Variants in EBF2 observed in about 807,000 individuals in gnomAD.
EBF2 encodes the protein transcription factor COE2.
Under a neutral mutation model 72.8 loss-of-function variants are expected in EBF2, and 21 were observed. The observed-to-expected ratio is 0.29, with a 90% CI of 0.20 to 0.42. The LOEUF is 0.42. Ranked by LOEUF, EBF2 falls within the 10% of genes least tolerant of loss-of-function variation. The pLI is 1.00. For missense variants in EBF2, 637 were observed against 731.2 expected, an observed-to-expected ratio of 0.87 and a Z score of 1.49; for synonymous variants, 299 against 274.2, an observed-to-expected ratio of 1.09 and a Z score of -0.89.
intron 6 of EBF2, among the ~76,000 whole-genome samples, chr8:25,995,200 G>A (rs1804605064): frequency 6.6e-6 from 1 of 152,132 alleles, no homozygotes; most frequent in Non-Finnish European, 1.5e-5. Context: ...CAGCTACTTG[G>A]GAGGCTGAGG....
intron 6 of EBF2, among the ~76,000 whole-genome samples, chr8:25,961,551 T>C (rs1302139980): frequency 2.6e-5 from 4 of 152,106 alleles, no homozygotes; most frequent in Non-Finnish European, 4.4e-5. Flanking sequence ...TTAGTAGGGA[T>C]AGCGTTTCAC....
intron 6 of EBF2, among the ~76,000 whole-genome samples, chr8:25,946,990 T>C (rs183674205): frequency 8.5e-5 from 13 of 152,296 alleles, no homozygotes; most frequent in Admixed American, 8.5e-4. Flanking sequence ...AATAATACAA[T>C]TTGATTCACT....
At chr8:25,886,674 C>T (rs912573710) in intron 10 of EBF2, 81 bp downstream of exon 10, 36 of 1,454,008 alleles carry the variant, frequency 2.5e-5, no homozygotes, top group South Asian at 7.9e-5. Flanking sequence ...AAAATCAGGA[C>T]GATTACAAAG....
At chr8:25,862,597 G>T in intron 11 of EBF2, 112 bp downstream of exon 11, 1 of 677,326 alleles carries the variant, frequency 1.5e-6, no homozygotes, top group Non-Finnish European at 2.3e-6. Flanking sequence ...CTAAAGCTTA[G>T]CCAAATTTCA....
chr8:25,961,134 T>A (rs924723405), intron 6 of EBF2, among the ~76,000 whole-genome samples: 2 of 152,094 alleles, frequency 1.3e-5, no homozygotes, highest in African/African-American at 4.8e-5. Flanking sequence ...TCGCAGAAAG[T>A]AACAAGTAAA....
rs140418551 is a variant in EBF2, at chr8:25,878,069, G to A, written c.1009+8686C>T. Among the ~76,000 whole-genome samples the A allele has an allele frequency of 4.6e-5, 7 of 152,242 alleles. No homozygotes were observed. The East Asian group carries it at 9.7e-4, about 21-fold the overall frequency. ...ATGAGGCTCAGAGAGGTCAGTGACCGGATGAAAGTACACACAAGCAGTGGA... is the reference window on the plus strand; with the variant it reads ...ATGAGGCTCAGAGAGGTCAGTGACCAGATGAAAGTACACACAAGCAGTGGA... On this transcript the variant is annotated intron_variant, in intron 10 of 15. Coordinates refer to ENST00000520164, the MANE Select transcript of EBF2 (RefSeq NM_022659.4).
rs184306159 is a variant in EBF2 at position 25,984,099 on chromosome 8, G to A, written c.551+48986C>T. ...TAAACCAAAAGGTGTGTACCTTTGTGTGATTCCATGTGTACTTGTGTGTAA... is the reference window on the plus strand; with the variant it reads ...TAAACCAAAAGGTGTGTACCTTTGTATGATTCCATGTGTACTTGTGTGTAA... On this transcript the variant is annotated intron_variant, in intron 6 of 15. Transcript: ENST00000520164. Among the ~76,000 whole-genome samples the A allele has an allele frequency of 7.2e-4, 110 of 152,286 alleles. 2 individuals are homozygous for A. The highest frequency in any genetic ancestry group is 2.5e-3 in the African/African-American group (105 of 41,562).
intron 6 of EBF2, among the ~76,000 whole-genome samples, chr8:25,952,080 G>T (rs894244482): frequency 6.6e-6 from 1 of 152,108 alleles, no homozygotes; most frequent in Non-Finnish European, 1.5e-5. Flanking sequence ...ATTGCTTGAG[G>T]CCAGGAGTTC....
chr8:25,845,026 CAGGAA>C (rs1294478468), intron 15 of EBF2, among the ~76,000 whole-genome samples: 3 of 152,104 alleles, frequency 2.0e-5, no homozygotes, highest in African/African-American at 7.2e-5. Flanking sequence ...TTAGTTGGAA[CAGGAA>C]AGGAAATTCC....
intron 6 of EBF2, among the ~76,000 whole-genome samples, chr8:25,975,101 T>G (rs1289226846): frequency 6.6e-6 from 1 of 151,978 alleles, no homozygotes; most frequent in Non-Finnish European, 1.5e-5. Context: ...TAAAACACCA[T>G]ACACCCAAGT....
At chr8:25,959,463 C>T (rs755140787) in intron 6 of EBF2, among the ~76,000 whole-genome samples, 7 of 152,218 alleles carry the variant, frequency 4.6e-5, no homozygotes, top group Non-Finnish European at 7.3e-5. Context: ...CCTCAGCCTC[C>T]CAAAGTGCTG....
intron 6 of EBF2, among the ~76,000 whole-genome samples, chr8:25,934,353 T>G (rs1803539375): frequency 6.6e-6 from 1 of 152,196 alleles, no homozygotes; most frequent in African/African-American, 2.4e-5. Context: ...CGGATTTCCC[T>G]TTATGACTTT....
intron 6 of EBF2, among the ~76,000 whole-genome samples, chr8:26,005,505 A>ATATATATTTTATAATATATAT (rs1563206013): frequency 6.2e-4 from 49 of 79,254 alleles, no homozygotes; most frequent in African/African-American, 1.7e-3. Context: ...ATAAAATATA[A>ATATATATTTTATAATATATAT]TATATATTAT....
intron 6 of EBF2, among the ~76,000 whole-genome samples, chr8:25,999,329 T>C (rs1333110665): frequency 6.6e-6 from 1 of 152,146 alleles, no homozygotes; most frequent in African/African-American, 2.4e-5. Context: ...TGGGGGCCAA[T>C]GAAGATATAA....
intron 7 of EBF2, among the ~76,000 whole-genome samples, chr8:25,902,604 AAAAT>A (rs2117306989): frequency 6.6e-6 from 1 of 152,312 alleles, no homozygotes; most frequent in African/African-American, 2.4e-5. Flanking sequence ...AATACATACA[AAAAT>A]AAATAAAACA....
At chr8:25,951,204 T>C in intron 6 of EBF2, among the ~76,000 whole-genome samples, 1 of 152,158 alleles carries the variant, frequency 6.6e-6, no homozygotes, top group Non-Finnish European at 1.5e-5. Flanking sequence ...ACAACCTCAT[T>C]TTCATGTATT....
At chr8:25,981,613 T>C (rs767870237) in intron 6 of EBF2, among the ~76,000 whole-genome samples, 5 of 152,016 alleles carry the variant, frequency 3.3e-5, no homozygotes, top group Non-Finnish European at 7.4e-5. Context: ...CTGGCCAACG[T>C]GGCAAAATCC....
intron 7 of EBF2, among the ~76,000 whole-genome samples, chr8:25,896,233 C>T (rs958949816): frequency 6.6e-6 from 1 of 152,178 alleles, no homozygotes; most frequent in South Asian, 2.1e-4. Flanking sequence ...GAAACCTCCC[C>T]GTATGGGCCA....
chr8:25,969,290 T>C (rs1255525395), intron 6 of EBF2, among the ~76,000 whole-genome samples: 1 of 152,234 alleles, frequency 6.6e-6, no homozygotes, highest in African/African-American at 2.4e-5. Context: ...ACTGGCTCCA[T>C]TTCTTGCGCA....
Sources: gnomAD v4.1 joint callset for allele counts (sites outside exome capture counted in the v4.1 genomes callset) on GRCh38, gnomAD v4.1.1 for gene constraint, MANE v1.5 for transcripts, NCBI Gene and HGNC (gene_info 2026-07-23, HGNC 2026-07-21) for gene names.